Variants in RAD51B observed in about 807,000 individuals in gnomAD.
RAD51B encodes the protein DNA repair protein RAD51 homolog 2.
A neutral mutation model predicts 42.2 loss-of-function variants in RAD51B; 38 were observed. That is an observed-to-expected ratio of 0.90 (90% confidence interval 0.70 to 1.18). The LOEUF is 1.18. Among genes scored for constraint, RAD51B ranks in the 50% most tolerant of loss-of-function variants. The pLI is 0.00. For missense variants in RAD51B, 373 were observed against 400.7 expected, an observed-to-expected ratio of 0.93 and a Z score of 0.59; for synonymous variants, 154 against 145.2, an observed-to-expected ratio of 1.06 and a Z score of -0.43.
At chr14:68,272,317 T>C (rs1394047741) in intron 7 of RAD51B, among the ~76,000 whole-genome samples, 1 of 152,098 alleles carries the variant, frequency 6.6e-6, no homozygotes, top group African/African-American at 2.4e-5. Context: ...TCATTTGCTG[T>C]GTGACTCTCA....
At chr14:68,026,293 A>C (rs1422235451) in intron 7 of RAD51B, among the ~76,000 whole-genome samples, 1 of 152,162 alleles carries the variant, frequency 6.6e-6, no homozygotes, top group Admixed American at 6.5e-5. Context: ...AATGTATTCC[A>C]TGTGGAGATG....
At chr14:68,109,721 G>A (rs1011579094) in intron 7 of RAD51B, among the ~76,000 whole-genome samples, 8 of 152,036 alleles carry the variant, frequency 5.3e-5, no homozygotes, top group African/African-American at 1.2e-4. Context: ...ATTCTTGCTA[G>A]TGATGGAAAT....
chr14:68,159,896 G>A (rs2078600955), intron 7 of RAD51B, among the ~76,000 whole-genome samples: 1 of 151,988 alleles, frequency 6.6e-6, no homozygotes, highest in Admixed American at 6.6e-5. Flanking sequence ...ATGCTTCAAT[G>A]GGCTTGTCAT....
chr14:68,293,226 G>T (rs1196887503), intron 8 of RAD51B, among the ~76,000 whole-genome samples: 4 of 151,890 alleles, frequency 2.6e-5, no homozygotes, highest in East Asian at 3.9e-4. Flanking sequence ...AGTTTTTTTT[G>T]TTTGTTTCTT....
At chr14:68,031,665 T>TA (rs199702723) in intron 7 of RAD51B, among the ~76,000 whole-genome samples, 32 of 151,096 alleles carry the variant, frequency 2.1e-4, no homozygotes, top group African/African-American at 6.6e-4. Flanking sequence ...CCTGGTGTCT[T>TA]TAAAAAAAAA....
At chr14:68,518,130 C>T (rs1238405637) in intron 10 of RAD51B, among the ~76,000 whole-genome samples, 1 of 152,218 alleles carries the variant, frequency 6.6e-6, no homozygotes, top group Non-Finnish European at 1.5e-5. Context: ...ATGGTCATGG[C>T]ACCTGTGAGC....
chr14:67,828,343 GT>G (rs912781383), intron 3 of RAD51B, among the ~76,000 whole-genome samples: 24 of 147,568 alleles, frequency 1.6e-4, no homozygotes, highest in East Asian at 3.9e-4. Flanking sequence ...GGGTTGTTTG[GT>G]TTTTTTTTTC....
intron 7 of RAD51B, among the ~76,000 whole-genome samples, chr14:68,282,233 T>C (rs930266379): frequency 2.0e-5 from 3 of 152,178 alleles, no homozygotes; most frequent in Admixed American, 2.0e-4. Flanking sequence ...TCCACCTGCC[T>C]CGGCCTCCCA....
At chr14:68,679,940 T>C (rs2140162741) in intron 11 of RAD51B, among the ~76,000 whole-genome samples, 1 of 152,336 alleles carries the variant, frequency 6.6e-6, no homozygotes, top group South Asian at 2.1e-4. Context: ...GAATCTGATG[T>C]GAATGTTGGT....
chr14:68,138,744 A>G (rs530755727), intron 7 of RAD51B, among the ~76,000 whole-genome samples: 1 of 152,344 alleles, frequency 6.6e-6, no homozygotes, highest in East Asian at 1.9e-4. Context: ...TTTAAAAAAT[A>G]GTCAAGGAAA....
chr14:68,290,833 T>C (rs2081501775), intron 7 of RAD51B, among the ~76,000 whole-genome samples: 1 of 151,866 alleles, frequency 6.6e-6, no homozygotes, highest in Non-Finnish European at 1.5e-5. Context: ...TGAGACAGAG[T>C]TTCTCTCTTG....
Position 68,681,704 on chromosome 14 carries a change from C to T in RAD51B, c.*11+30848C>T, listed in dbSNP as rs1300556831. Reference sequence around the variant, plus strand: ...CCCAAACACCTGTGTAATATCGTGTCCTGGGCCACTGTATAAATAACCTCC... The same window carrying T: ...CCCAAACACCTGTGTAATATCGTGTTCTGGGCCACTGTATAAATAACCTCC... On this transcript the variant is annotated intron_variant, in intron 11 of 11. Coordinates refer to the RAD51B transcript ENST00000488612. 2.0e-5 allele frequency among the ~76,000 whole-genome samples: 3 copies of T among 152,126 alleles called. No homozygotes were observed. In the East Asian group the frequency reaches 5.8e-4, roughly 29 times the overall value.
chr14:68,194,225 A>G (rs1401042239), intron 7 of RAD51B, among the ~76,000 whole-genome samples: 1 of 152,222 alleles, frequency 6.6e-6, no homozygotes, highest in African/African-American at 2.4e-5. Context: ...ACTACTGGAG[A>G]TAAAACTTGC....
At chr14:68,608,323 G>C (rs1431010853) in intron 10 of RAD51B, among the ~76,000 whole-genome samples, 3 of 152,212 alleles carry the variant, frequency 2.0e-5, no homozygotes, top group African/African-American at 7.2e-5. Context: ...CTGTTGGCTT[G>C]TCTCTCTAAG....
At chr14:68,372,684 T>C (rs2083288276) in intron 8 of RAD51B, among the ~76,000 whole-genome samples, 1 of 152,204 alleles carries the variant, frequency 6.6e-6, no homozygotes, top group African/African-American at 2.4e-5. Context: ...TGTTTGGCTC[T>C]TTTGGGGACT....
chr14:67,982,445 C>T (rs919537778), intron 7 of RAD51B, among the ~76,000 whole-genome samples: 14 of 151,776 alleles, frequency 9.2e-5, no homozygotes, highest in African/African-American at 2.7e-4. Context: ...TGAACATATA[C>T]ATTATTGAAG....
downstream of RAD51B, among the ~76,000 whole-genome samples, chr14:68,481,529 G>A (rs964537663): frequency 6.6e-6 from 1 of 152,180 alleles, no homozygotes; most frequent in African/African-American, 2.4e-5. Context: ...GGGACAGGAC[G>A]TAAGCACTGC....
chr14:68,191,594 T>C (rs2079268393), intron 7 of RAD51B, among the ~76,000 whole-genome samples: 1 of 152,198 alleles, frequency 6.6e-6, no homozygotes, highest in Admixed American at 6.5e-5. Context: ...AAGGAGATAA[T>C]GGAAGACCCT....
chr14:68,269,658 C>A (rs542101844), intron 7 of RAD51B, among the ~76,000 whole-genome samples: 1 of 152,146 alleles, frequency 6.6e-6, no homozygotes, highest in African/African-American at 2.4e-5. Context: ...CTGTTGGACC[C>A]TGACTAGGGG....
Sources: gnomAD v4.1 joint callset for allele counts (sites outside exome capture counted in the v4.1 genomes callset) on GRCh38, gnomAD v4.1.1 for gene constraint, MANE v1.5 for transcripts, NCBI Gene and HGNC (gene_info 2026-07-23, HGNC 2026-07-21) for gene names.